Variants in SELENOO observed in about 807,000 individuals in gnomAD.
The protein encoded by SELENOO is protein adenylyltransferase SelO, mitochondrial.
In SELENOO, 74 loss-of-function variants were observed where a neutral mutation model predicts 58.7. The ratio of observed to expected loss-of-function variants is 1.26; its 90% CI spans 1.04 to 1.53. SELENOO has a LOEUF of 1.53. Among genes scored for constraint, SELENOO ranks in the 40% most tolerant of loss-of-function variants. The pLI is 0.00. For synonymous variants in SELENOO, 543 were observed against 453.2 expected, an observed-to-expected ratio of 1.20 and a Z score of -2.52; for missense variants, 1,149 against 970.0, an observed-to-expected ratio of 1.18 and a Z score of -2.45.
At chr22:50,204,484 G>A (rs926591003) in intron 1 of SELENOO, among the ~76,000 whole-genome samples, 1 of 152,094 alleles carries the variant, frequency 6.6e-6, no homozygotes, top group African/African-American at 2.4e-5. Flanking sequence ...AAAATTAGCC[G>A]GGCATGGTGG....
At chr22:50,214,708 T>C (rs1296043298) in intron 5 of SELENOO, among the ~76,000 whole-genome samples, 2 of 152,240 alleles carry the variant, frequency 1.3e-5, no homozygotes, top group Non-Finnish European at 2.9e-5. Context: ...GAGGTTGCAG[T>C]GAGCCGAGAT....
At chr22:50,213,026 A>G (rs1352309772) in intron 5 of SELENOO, among the ~76,000 whole-genome samples, 1 of 152,162 alleles carries the variant, frequency 6.6e-6, no homozygotes, top group Non-Finnish European at 1.5e-5. Context: ...CTTTCTGGTC[A>G]CTGCTTTTGC....
chr22:50,202,780 C>T (rs952280701), intron 1 of SELENOO, among the ~76,000 whole-genome samples: 10 of 152,146 alleles, frequency 6.6e-5, no homozygotes, highest in East Asian at 1.9e-4. Flanking sequence ...ATTAAGGAGT[C>T]CTTTGACCTT....
In SELENOO at chr22:50,217,557, G is replaced by A. The variant is rs1422709964; in HGVS notation, c.*188G>A. ...GTCTCTGTCTGAGGCCGGCTCAGCA[G>A]TGCAGCCTGGTCCCTGGGGGCTGGA... On this transcript the variant is annotated 3_prime_UTR_variant, in exon 9 of 9. Coordinates refer to ENST00000380903, the MANE Select transcript of SELENOO (RefSeq NM_031454.2). 8.4e-6 allele frequency: 8 copies of A among 947,954 alleles called. No homozygotes were observed. In the South Asian group the frequency reaches 8.5e-5, roughly 10 times the overall value. The allele number at this position is 947,954 out of a possible 1,614,324, so 58.7% of individuals were successfully genotyped here. A position where few individuals can be genotyped will look rare whatever the true frequency, so the allele number is the denominator to read the frequency against.
Position 50,210,718 on chromosome 22 carries a change from G to GCTT in SELENOO, c.1159_1160insTTC (p.Leu386dup), listed in dbSNP as rs2064364451. The stretch of plus-strand genomic sequence containing the variant: ...AGCCCGAGGTGTGCAGGTGGAACCT[G>GCTT]CGGAAGCTGGCCGAGGCCCTGCAGC... On this transcript the variant is annotated inframe_insertion, in exon 5 of 9. Transcript: ENST00000380903. 6.2e-7 allele frequency: 1 copy of GCTT among 1,613,458 alleles called. No homozygotes were observed. The highest frequency in any genetic ancestry group is 2.2e-5 in the East Asian group (1 of 44,884).
intron 5 of SELENOO, among the ~76,000 whole-genome samples, chr22:50,214,362 G>A (rs547264263): frequency 1.3e-5 from 2 of 152,310 alleles, no homozygotes; most frequent in African/African-American, 2.4e-5. Flanking sequence ...GCTCATGCCT[G>A]TAATCCCAAC....
In SELENOO at chr22:50,217,481, T is replaced by G. The variant is rs928520135; in HGVS notation, c.*112T>G. 14 of 1,293,670 alleles carry G rather than the reference T, an allele frequency of 1.1e-5. No individual in the cohort carries two copies. The highest frequency in any genetic ancestry group is 1.5e-5 in the Non-Finnish European group (14 of 937,640). 80.1% of individuals were successfully genotyped at this position (1,293,670 alleles called of 1,614,324 possible). Reference sequence around the variant, plus strand: ...CACTGGGGGATTCTGCCCTGGCCCATGCACACCCGTCTTTCCATGATGGCA... The same window carrying G: ...CACTGGGGGATTCTGCCCTGGCCCAGGCACACCCGTCTTTCCATGATGGCA... On this transcript the variant is annotated 3_prime_UTR_variant, in exon 9 of 9. Coordinates refer to ENST00000380903, the MANE Select transcript of SELENOO (RefSeq NM_031454.2).
chr22:50,215,737 T>A lies in SELENOO; in HGVS notation c.1372T>A (p.Phe458Ile). 6.2e-7 allele frequency: 1 copy of A among 1,605,058 alleles called. No individual in the cohort carries two copies. The highest frequency in any genetic ancestry group is 8.5e-7 in the Non-Finnish European group (1 of 1,173,976). ...TCCAGGTGCCGACTTCACAAACACC[T>A]TCTACTTGCTGAGCTCCTTCCCAGT... ...HLTGADFTNT[F>I]YLLSSFPVEL... is the part of the protein sequence containing the mutation. The change falls in exon 6 of 9, where the codon TTC (phenylalanine) becomes ATC (isoleucine). Residue 458 changes from phenylalanine (F) to isoleucine (I), a missense_variant. By Grantham distance (21) the Phe-to-Ile change is conservative (BLOSUM62 0). Transcript: ENST00000380903.
chr22:50,216,923 G>A, intron 7 of SELENOO, 47 bp downstream of exon 7: 2 of 1,602,626 alleles, frequency 1.2e-6, no homozygotes, highest in Non-Finnish European at 1.7e-6. Flanking sequence ...GTCGCGTGCT[G>A]GAAAAAGTCC....
intron 3 of SELENOO, 91 bp from the exon 4 acceptor site, chr22:50,210,090 A>C (rs975701826): frequency 8.7e-6 from 13 of 1,493,002 alleles, no homozygotes; most frequent in Non-Finnish European, 1.2e-5. Flanking sequence ...TCAGCGAAGC[A>C]CAGCCGGTTT....
chr22:50,213,356 C>T (rs73187263), intron 5 of SELENOO, among the ~76,000 whole-genome samples: 10,972 of 152,180 alleles, frequency 0.072, 522 homozygotes, highest in Non-Finnish European at 0.11. Flanking sequence ...CGCGCCCAGC[C>T]AGTGTGTTGT....
chr22:50,215,893 G>T lies in SELENOO; in HGVS notation c.1502+26G>T, dbSNP rs776436455. 15 of 1,566,324 alleles carry T rather than the reference G, an allele frequency of 9.6e-6. No individual in the cohort carries two copies. The East Asian group carries it at 1.8e-4, about 19-fold the overall frequency. On this transcript the variant is annotated intron_variant, in intron 6 of 8. Coordinates refer to ENST00000380903, the MANE Select transcript of SELENOO (RefSeq NM_031454.2). ...GTGGGTACTCAGTTCCTACTTCTTTGGATTTGTTTCCAGAAAAGGAAGCAT... is the reference window on the plus strand; with the variant it reads ...GTGGGTACTCAGTTCCTACTTCTTTTGATTTGTTTCCAGAAAAGGAAGCAT...
At chr22:50,204,928 G>A (rs2064323769) in intron 1 of SELENOO, among the ~76,000 whole-genome samples, 2 of 152,256 alleles carry the variant, frequency 1.3e-5, no homozygotes, top group Admixed American at 1.3e-4. Flanking sequence ...GAAAGAAGAT[G>A]CTGATATGCT....
rs370682592 is a variant in SELENOO at position 50,215,675 on chromosome 22, T to C, written c.1352-42T>C. ...CTGTGTGGCACCAGGACAGGGACCCTGGGCCTTCTGCTTCCAGCTCCCTGA... is the reference window on the plus strand; with the variant it reads ...CTGTGTGGCACCAGGACAGGGACCCCGGGCCTTCTGCTTCCAGCTCCCTGA... On this transcript the variant is annotated intron_variant, in intron 5 of 8. Coordinates refer to ENST00000380903, the MANE Select transcript of SELENOO (RefSeq NM_031454.2). 2.6e-5 allele frequency: 37 copies of C among 1,432,984 alleles called. No homozygotes were observed. In the African/African-American group the frequency reaches 4.8e-4, roughly 19 times the overall value. 88.8% of individuals were successfully genotyped at this position (1,432,984 alleles called of 1,614,324 possible).
In SELENOO at chr22:50,215,877, C is replaced by A; in HGVS notation, c.1502+10C>A. The A allele has an allele frequency of 6.3e-7, 1 of 1,590,706 alleles. No homozygotes were observed. Among genetic ancestry groups the A allele is most frequent in the Middle Eastern group, 1.7e-4 (1 of 5,910 alleles). ...CCCAGATGGATCCCCGGTGGGTACT[C>A]AGTTCCTACTTCTTTGGATTTGTTT... is the stretch of plus-strand genomic sequence containing the variant. On this transcript the variant is annotated intron_variant, in intron 6 of 8. Coordinates refer to ENST00000380903, the MANE Select transcript of SELENOO (RefSeq NM_031454.2).
At position 50,217,039 on chromosome 22, in the gene SELENOO, G is replaced by T. The variant is rs200868550; in HGVS notation, c.1756G>T (p.Val586Leu). The T allele has an allele frequency of 6.2e-7, 1 of 1,612,286 alleles. No homozygotes were observed. Among genetic ancestry groups the T allele is most frequent in the African/African-American group, 1.3e-5 (1 of 74,942 alleles). ...CGCCTGGCAGGCTGAGCACGTGCGC[G>T]TGATGCACGCCAACAACCCGAAGTA... ...AAAWQAEHVR[V>L]MHANNPKYVL... The change falls in exon 8 of 9, where the codon GTG (valine) becomes TTG (leucine). Residue 586 changes from valine (V) to leucine (L), a missense_variant. Coordinates refer to ENST00000380903, the MANE Select transcript of SELENOO (RefSeq NM_031454.2).
At chr22:50,210,564 G>T (rs2064362226) in intron 4 of SELENOO, 67 bp from the exon 5 acceptor site, 2 of 1,605,990 alleles carry the variant, frequency 1.2e-6, no homozygotes, top group Non-Finnish European at 1.7e-6. Context: ...TCCCCTCCAG[G>T]GTGGCTGCAC....
At chr22:50,201,624 C>T in intron 1 of SELENOO, 34 bp downstream of exon 1, 6 of 1,235,054 alleles carry the variant, frequency 4.9e-6, no homozygotes, top group Non-Finnish European at 6.1e-6. Context: ...GCGGGTGGGT[C>T]CTCCCCGCCG....
At position 50,217,557 on chromosome 22, in the gene SELENOO, G is replaced by C. The variant is rs1422709964; in HGVS notation, c.*188G>C. The stretch of plus-strand genomic sequence containing the variant: ...GTCTCTGTCTGAGGCCGGCTCAGCA[G>C]TGCAGCCTGGTCCCTGGGGGCTGGA... On this transcript the variant is annotated 3_prime_UTR_variant, in exon 9 of 9. Coordinates refer to ENST00000380903, the MANE Select transcript of SELENOO (RefSeq NM_031454.2). 8.4e-6 allele frequency: 8 copies of C among 947,836 alleles called. No homozygotes were observed. The African/African-American group carries it at 1.3e-4, about 16-fold the overall frequency. 58.7% of individuals were successfully genotyped at this position (947,836 alleles called of 1,614,324 possible).
Sources: gnomAD v4.1 joint callset for allele counts (sites outside exome capture counted in the v4.1 genomes callset) on GRCh38, gnomAD v4.1.1 for gene constraint, MANE v1.5 for transcripts, NCBI Gene and HGNC (gene_info 2026-07-23, HGNC 2026-07-21) for gene names.